The following AGBL1 variants were observed in gnomAD, a reference collection of about 807,000 sequenced individuals.
AGBL1 encodes the protein AGBL carboxypeptidase 1, also known as cytosolic carboxypeptidase 4.
AGBL1 carries 130 observed loss-of-function variants against 118.9 expected under a neutral mutation model. The ratio of observed to expected loss-of-function variants is 1.09; its 90% CI spans 0.95 to 1.26. The LOEUF (loss-of-function observed/expected upper bound fraction) is 1.26, where lower values mean the gene tolerates loss of function less well. AGBL1 is among the 50% of genes most tolerant of loss of function. The pLI is 0.00. For missense variants in AGBL1, 1,584 were observed against 1,298.1 expected, an observed-to-expected ratio of 1.22 and a Z score of -3.38; for synonymous variants, 555 against 478.9, an observed-to-expected ratio of 1.16 and a Z score of -2.08.
intron 6 of AGBL1, among the ~76,000 whole-genome samples, chr15:86,236,108 G>A (rs2078537889): frequency 6.6e-6 from 1 of 152,186 alleles, no homozygotes. Flanking sequence ...AGAAATGAAT[G>A]TTTATTTTTA....
chr15:86,541,173 T>C (rs905171389), intron 19 of AGBL1, among the ~76,000 whole-genome samples: 15 of 152,208 alleles, frequency 9.9e-5, no homozygotes, highest in Admixed American at 8.5e-4. Flanking sequence ...TAGTAGAGGA[T>C]TAAACCTCAA....
At chr15:86,479,252 A>T (rs2082611197) in intron 18 of AGBL1, among the ~76,000 whole-genome samples, 1 of 152,222 alleles carries the variant, frequency 6.6e-6, no homozygotes, top group Admixed American at 6.5e-5. Context: ...TAAACTAAAG[A>T]GCTTCTGCAC....
intron 16 of AGBL1, among the ~76,000 whole-genome samples, chr15:86,285,343 T>A (rs1167596143): frequency 6.6e-6 from 1 of 151,998 alleles, no homozygotes; most frequent in Non-Finnish European, 1.5e-5. Context: ...ATGAGTAATA[T>A]GGTTTGGCTG....
At chr15:86,384,876 G>A (rs1042373458) in intron 17 of AGBL1, among the ~76,000 whole-genome samples, 4 of 152,156 alleles carry the variant, frequency 2.6e-5, no homozygotes, top group African/African-American at 2.4e-5. Flanking sequence ...GAGAAAGAAG[G>A]CAGCAAAACA....
At chr15:86,119,379 G>T (rs2141572867) in intron 1 of AGBL1, among the ~76,000 whole-genome samples, 1 of 150,634 alleles carries the variant, frequency 6.6e-6, no homozygotes, top group South Asian at 2.1e-4. Context: ...TTTCCTTCTT[G>T]CTACTGATGG....
chr15:86,389,857 G>T (rs1161400035), intron 17 of AGBL1, among the ~76,000 whole-genome samples: 1 of 152,054 alleles, frequency 6.6e-6, no homozygotes, highest in Non-Finnish European at 1.5e-5. Context: ...ATGGGAAAAA[G>T]AATTGATTGT....
rs555105560 is a variant in AGBL1 at position 86,700,160 on chromosome 15, A to G, written c.3158+25724A>G. On this transcript the variant is annotated intron_variant, in intron 22 of 22. Coordinates refer to ENST00000614907, the MANE Select transcript of AGBL1 (RefSeq NM_001386094.1). Reference sequence around the variant, plus strand: ...TATTTAGGCATATCTCTGTGGATTCAAGGATTACTTTTTTCTTCAGTGACT... The same window carrying G: ...TATTTAGGCATATCTCTGTGGATTCGAGGATTACTTTTTTCTTCAGTGACT... 3.9e-5 allele frequency among the ~76,000 whole-genome samples: 6 copies of G among 152,064 alleles called. 2 individuals carry two copies. The South Asian group carries it at 1.2e-3, about 32-fold the overall frequency.
intron 24 of AGBL1, among the ~76,000 whole-genome samples, chr15:86,999,099 T>C (rs977593800): frequency 1.9e-4 from 29 of 151,060 alleles, no homozygotes; most frequent in Non-Finnish European, 8.8e-5. Context: ...AGTGAGAACA[T>C]GCAGTGTTTG....
rs574433151 is a variant in AGBL1, at chr15:86,854,899, C to T, written c.3159-52188C>T. Among the ~76,000 whole-genome samples, 11 of 152,292 alleles carry T rather than the reference C, an allele frequency of 7.2e-5. No homozygotes were observed. The South Asian group carries it at 2.1e-3, about 29-fold the overall frequency. ...AGTTGCAATTCGTTCCCCTCAACTGCCCTCGATCTCCATCACTGCTTTTTG... is the reference window on the plus strand; with the variant it reads ...AGTTGCAATTCGTTCCCCTCAACTGTCCTCGATCTCCATCACTGCTTTTTG... On this transcript the variant is annotated intron_variant, in intron 22 of 22. Coordinates refer to ENST00000614907, the MANE Select transcript of AGBL1 (RefSeq NM_001386094.1).
intron 22 of AGBL1, among the ~76,000 whole-genome samples, chr15:86,780,943 C>G (rs1035894093): frequency 6.6e-6 from 1 of 152,146 alleles, no homozygotes; most frequent in East Asian, 1.9e-4. Context: ...GCTAGGATTA[C>G]AGGCATGAGC....
At chr15:86,735,653 G>GCTATATATATATATATATATATAT (rs1555444825) in intron 22 of AGBL1, among the ~76,000 whole-genome samples, 3 of 143,006 alleles carry the variant, frequency 2.1e-5, no homozygotes, top group African/African-American at 8.1e-5. Flanking sequence ...GCTACAAAGA[G>GCTATATATATATATATATATATAT]AGATATATAT....
chr15:86,923,062 G>A (rs747694144), intron 23 of AGBL1, among the ~76,000 whole-genome samples: 1 of 152,170 alleles, frequency 6.6e-6, no homozygotes, highest in Non-Finnish European at 1.5e-5. Context: ...TATCCGGCCC[G>A]AGGGATGGTG....
At chr15:86,720,562 C>T (rs1281301332) in intron 22 of AGBL1, among the ~76,000 whole-genome samples, 2 of 152,144 alleles carry the variant, frequency 1.3e-5, no homozygotes, top group Non-Finnish European at 2.9e-5. Flanking sequence ...GAAATGTGAT[C>T]AGTTCCTCAG....
chr15:86,866,749 G>C (rs1469433065), intron 22 of AGBL1, among the ~76,000 whole-genome samples: 2 of 152,104 alleles, frequency 1.3e-5, no homozygotes, highest in South Asian at 2.1e-4. Flanking sequence ...AGCTACTCAG[G>C]GCTGAGGCAG....
At chr15:86,320,434 G>A (rs1039183349) in intron 17 of AGBL1, among the ~76,000 whole-genome samples, 8 of 151,786 alleles carry the variant, frequency 5.3e-5, no homozygotes, top group Admixed American at 4.6e-4. Context: ...ATAGAAAAAT[G>A]TGATGGATTT....
chr15:86,760,528 G>A (rs746082251), intron 22 of AGBL1, among the ~76,000 whole-genome samples: 4 of 152,074 alleles, frequency 2.6e-5, no homozygotes, highest in Non-Finnish European at 5.9e-5. Flanking sequence ...ACAGAGAGAT[G>A]TCTTTGCTGC....
chr15:86,154,590 A>G (rs769060136), intron 4 of AGBL1, 29 bp downstream of exon 4: 6 of 1,583,106 alleles, frequency 3.8e-6, no homozygotes, highest in Middle Eastern at 2.0e-4. Flanking sequence ...GCTCTCGGGG[A>G]TGGCTTCCAA....
intron 22 of AGBL1, among the ~76,000 whole-genome samples, chr15:86,795,118 T>C (rs1294719107): frequency 1.3e-5 from 2 of 152,192 alleles, no homozygotes; most frequent in Non-Finnish European, 2.9e-5. Flanking sequence ...TTAGTCTCCA[T>C]GGCTCTGAGG....
intron 23 of AGBL1, among the ~76,000 whole-genome samples, chr15:86,964,616 G>A (rs72755678): frequency 0.042 from 6,340 of 151,594 alleles, 165 homozygotes; most frequent in Middle Eastern, 0.071. Flanking sequence ...GGTCACTTCT[G>A]CTTCTAAAAG....
Sources: allele counts gnomAD v4.1 joint callset (sites outside exome capture counted in the v4.1 genomes callset), GRCh38; gene constraint gnomAD v4.1.1; transcripts MANE v1.5; gene names NCBI Gene and HGNC (gene_info 2026-07-23, HGNC 2026-07-21).